HS3ST2: variants seen among roughly 807,000 people sequenced by gnomAD.
HS3ST2 encodes heparan sulfate-glucosamine 3-sulfotransferase 2.
Under a neutral mutation model 26.3 loss-of-function variants are expected in HS3ST2, and 17 were observed. That is an observed-to-expected ratio of 0.65 (90% CI 0.44 to 0.97). The LOEUF is 0.97. Ranked by LOEUF, HS3ST2 falls within the 50% of genes least tolerant of loss-of-function variation. HS3ST2 has a pLI of 0.00. For synonymous variants in HS3ST2, 237 were observed against 219.2 expected (o/e 1.08, Z -0.72); for missense variants, 402 against 501.2 (o/e 0.80, Z 1.89).
intron 1 of HS3ST2, among the ~76,000 whole-genome samples, chr16:22,819,488 A>G (rs1265944501): frequency 6.6e-6 from 1 of 152,184 alleles, no homozygotes; most frequent in Non-Finnish European, 1.5e-5. Flanking sequence ...GGGAAAGCTG[A>G]GATATGTCTG....
At chr16:22,873,167 G>A (rs180811306) in intron 1 of HS3ST2, among the ~76,000 whole-genome samples, 37 of 152,340 alleles carry the variant, frequency 2.4e-4, no homozygotes, top group Admixed American at 1.6e-3. Context: ...ATCCTGGGGT[G>A]TCAGCAAAAC....
intron 1 of HS3ST2, among the ~76,000 whole-genome samples, chr16:22,864,089 T>C (rs969586481): frequency 2.6e-5 from 4 of 152,182 alleles, no homozygotes; most frequent in Non-Finnish European, 5.9e-5. Flanking sequence ...CCCTGGACAA[T>C]TGGATCTTTT....
intron 1 of HS3ST2, among the ~76,000 whole-genome samples, chr16:22,858,203 T>G (rs1344170792): frequency 6.6e-6 from 1 of 151,938 alleles, no homozygotes; most frequent in African/African-American, 2.4e-5. Flanking sequence ...ATAATTGGAT[T>G]TTTGTAACCC....
chr16:22,864,221 G>C (rs982054430), intron 1 of HS3ST2, among the ~76,000 whole-genome samples: 5 of 152,162 alleles, frequency 3.3e-5, no homozygotes, highest in Non-Finnish European at 5.9e-5. Context: ...GAGGTGTTAT[G>C]ATGGATGCCT....
chr16:22,818,760 C>A (rs1900919462), intron 1 of HS3ST2, among the ~76,000 whole-genome samples: 1 of 45,046 alleles, frequency 2.2e-5, no homozygotes, highest in African/African-American at 1.4e-4. Flanking sequence ...TTCCTTCCTT[C>A]ATTCCTTCCT....
At chr16:22,817,608 G>C (rs1306831731) in intron 1 of HS3ST2, among the ~76,000 whole-genome samples, 1 of 152,192 alleles carries the variant, frequency 6.6e-6, no homozygotes, top group African/African-American at 2.4e-5. Context: ...AATCCCATGA[G>C]CTAGGTACGG....
chr16:22,847,864 G>GAA (rs539238156), intron 1 of HS3ST2, among the ~76,000 whole-genome samples: 1 of 113,050 alleles, frequency 8.8e-6, no homozygotes, highest in Non-Finnish European at 1.9e-5. Context: ...AGGAGAAAAA[G>GAA]AAAAAAAAAG....
intron 1 of HS3ST2, among the ~76,000 whole-genome samples, chr16:22,877,618 C>T (rs1026593963): frequency 3.3e-5 from 5 of 152,170 alleles, no homozygotes; most frequent in Admixed American, 2.6e-4. Flanking sequence ...TTTGTATCAG[C>T]TTGGATTTCA....
At chr16:22,886,863 C>T (rs561608502) in intron 1 of HS3ST2, among the ~76,000 whole-genome samples, 1 of 151,976 alleles carries the variant, frequency 6.6e-6, no homozygotes, top group South Asian at 2.1e-4. Flanking sequence ...TGGGCTCAAA[C>T]GGTCCTCCCA....
At chr16:22,839,310 G>C (rs975590987) in intron 1 of HS3ST2, among the ~76,000 whole-genome samples, 5 of 152,210 alleles carry the variant, frequency 3.3e-5, no homozygotes, top group African/African-American at 1.2e-4. Context: ...AGCTGCAAAT[G>C]CATGAAAGAC....
chr16:22,894,782 G>A (rs1017890060), intron 1 of HS3ST2, among the ~76,000 whole-genome samples: 2 of 150,616 alleles, frequency 1.3e-5, no homozygotes, highest in Admixed American at 6.6e-5. Flanking sequence ...CGCCGTGATC[G>A]TGCCACTGCA....
intron 1 of HS3ST2, among the ~76,000 whole-genome samples, chr16:22,886,280 C>T (rs1406679656): frequency 6.6e-6 from 1 of 152,136 alleles, no homozygotes; most frequent in Non-Finnish European, 1.5e-5. Flanking sequence ...TTGTTTCTTT[C>T]TCTGATACTA....
At chr16:22,890,874 G>T (rs567372973) in intron 1 of HS3ST2, among the ~76,000 whole-genome samples, 1 of 152,188 alleles carries the variant, frequency 6.6e-6, no homozygotes, top group African/African-American at 2.4e-5. Flanking sequence ...TTAAGTAAAA[G>T]TTAGCCTTAA....
intron 1 of HS3ST2, among the ~76,000 whole-genome samples, chr16:22,914,385 G>T (rs1289970892): frequency 6.6e-6 from 1 of 151,986 alleles, no homozygotes; most frequent in Non-Finnish European, 1.5e-5. Context: ...CACTGTGATG[G>T]ATGTTTAGAT....
chr16:22,859,539 C>G (rs1296376920), intron 1 of HS3ST2, among the ~76,000 whole-genome samples: 1 of 152,114 alleles, frequency 6.6e-6, no homozygotes, highest in Non-Finnish European at 1.5e-5. Context: ...TTTTATGAGT[C>G]TTGTGTTAAC....
In HS3ST2 at chr16:22,909,639, C is replaced by T. The variant is rs140402474; in HGVS notation, c.486-5305C>T. On this transcript the variant is annotated intron_variant, in intron 1 of 1. Coordinates refer to ENST00000261374, the MANE Select transcript of HS3ST2 (RefSeq NM_006043.2). ...GTGGGATAGAGAAAATTTGAAGTAC[C>T]CAGGAGCCCTTTGACTTGTGGCATG... 3.3e-5 allele frequency among the ~76,000 whole-genome samples: 5 copies of T among 152,172 alleles called. No individual in the cohort carries two copies. In the East Asian group the frequency reaches 9.6e-4, roughly 29 times the overall value.
chr16:22,906,393 A>AAATAAATAAATAAATG (rs1902353489), intron 1 of HS3ST2, among the ~76,000 whole-genome samples: 1 of 151,944 alleles, frequency 6.6e-6, no homozygotes. Context: ...ATAAATAAAT[A>AAATAAATAAATAAATG]AAATTTCAGG....
At chr16:22,909,983 G>C (rs1361208159) in intron 1 of HS3ST2, among the ~76,000 whole-genome samples, 3 of 145,758 alleles carry the variant, frequency 2.1e-5, no homozygotes, top group African/African-American at 7.8e-5. Context: ...GTTGCAGTGA[G>C]CTGAGATTGT....
intron 1 of HS3ST2, among the ~76,000 whole-genome samples, chr16:22,846,457 G>C (rs914992105): frequency 6.6e-6 from 1 of 152,076 alleles, no homozygotes; most frequent in Non-Finnish European, 1.5e-5. Context: ...AGCTTGGTGA[G>C]AGTCTGGGCC....
Sources: gnomAD v4.1 joint callset for allele counts (sites outside exome capture counted in the v4.1 genomes callset) on GRCh38, gnomAD v4.1.1 for gene constraint, MANE v1.5 for transcripts, NCBI Gene and HGNC (gene_info 2026-07-23, HGNC 2026-07-21) for gene names.